Variants in EGR3 observed in about 807,000 individuals in gnomAD.
The protein encoded by EGR3 is early growth response protein 3.
Under a neutral mutation model 22.4 loss-of-function variants are expected in EGR3, and 4 were observed. The observed-to-expected ratio is 0.18, with a 90% CI of 0.09 to 0.41. The LOEUF is 0.41. Among genes scored for constraint, EGR3 ranks in the 10% least tolerant of loss-of-function variants. EGR3 has a pLI of 1.00. For synonymous variants in EGR3, 219 were observed against 226.8 expected, an observed-to-expected ratio of 0.97 and a Z score of 0.31; for missense variants, 315 against 541.3, an observed-to-expected ratio of 0.58 and a Z score of 4.15.
At position 22,693,212 on chromosome 8, in the gene EGR3, G is replaced by A. The variant is rs1223395539; in HGVS notation, c.-268C>T. 1.3e-5 allele frequency: 2 copies of A among 148,686 alleles called. No individual in the cohort carries two copies. The highest frequency in any genetic ancestry group is 2.7e-5 in the African/African-American group (1 of 36,814). 9.2% of individuals were successfully genotyped at this position (148,686 alleles called of 1,614,324 possible). ...GGTGCGGTATGAGGCTGGGTCGTGG[G>A]GGGGGTGGGGCGTGTGCGGGGGGTG... On this transcript the variant is annotated 5_prime_UTR_variant, in exon 1 of 2. Coordinates refer to ENST00000317216, the MANE Select transcript of EGR3 (RefSeq NM_004430.3).
chr8:22,690,340 A>G lies in EGR3; in HGVS notation c.*133T>C. 1 of 742,868 alleles carries G rather than the reference A, an allele frequency of 1.3e-6. No homozygotes were observed. Among genetic ancestry groups the G allele is most frequent in the East Asian group, 2.7e-5 (1 of 36,560 alleles). 46.0% of individuals were successfully genotyped at this position (742,868 alleles called of 1,614,324 possible). A position where few individuals can be genotyped will look rare whatever the true frequency, so the allele number is the denominator to read the frequency against. ...TTGGGAACCGGGGGCATCGAAGGGG[A>G]AGCAAGGGGCCGCACGTCCATGGAG... On this transcript the variant is annotated 3_prime_UTR_variant, in exon 2 of 2. Coordinates refer to ENST00000317216, the MANE Select transcript of EGR3 (RefSeq NM_004430.3).
In EGR3 at chr8:22,691,435, G is replaced by C. The variant is rs1085307474; in HGVS notation, c.202C>G (p.Leu68Val). ...GGCTGGAAGGAGCCGGAGTAAGAGA[G>C]TTCCGGGTTGGGCTTCTCGTTGGTC... ...GLTNEKPNPE[L>V]SYSGSFQPAP... Residue 68 changes from leucine (L) to valine (V), a missense_variant, in exon 2 of 2, where the codon CTC (leucine) becomes GTC (valine). Leu to Val is a conservative substitution (Grantham distance 32, BLOSUM62 1). Around this residue, in one of 4 missense-constraint regions of EGR3, gnomAD observed 227 missense variants for 303.6 expected, o/e 0.75. Coordinates refer to ENST00000317216, the MANE Select transcript of EGR3 (RefSeq NM_004430.3). The C allele has an allele frequency of 6.2e-7, 1 of 1,614,186 alleles. No homozygotes were observed. The highest frequency in any genetic ancestry group is 1.7e-5 in the Admixed American group (1 of 60,030).
In EGR3 at chr8:22,688,884, G is replaced by C. The variant is rs1803850469; in HGVS notation, c.*1589C>G. On this transcript the variant is annotated 3_prime_UTR_variant, in exon 2 of 2. Transcript: ENST00000317216. ...GCCTGAGAAGAGGTGAGGTAGGGTGGGGAGAAGGTGAGACTGGGTATGGAA... is the reference window on the plus strand; with the variant it reads ...GCCTGAGAAGAGGTGAGGTAGGGTGCGGAGAAGGTGAGACTGGGTATGGAA... The C allele has an allele frequency of 6.5e-6, 1 of 152,678 alleles. No homozygotes were observed. Among genetic ancestry groups the C allele is most frequent in the Admixed American group, 6.5e-5 (1 of 15,286 alleles). The allele number at this position is 152,678 out of a possible 1,614,324, so 9.5% of individuals were successfully genotyped here.
rs1804008151 is a variant in EGR3 at position 22,692,583 on chromosome 8, G to A, written c.154+208C>T. On this transcript the variant is annotated intron_variant, in intron 1 of 1. Coordinates refer to ENST00000317216, the MANE Select transcript of EGR3 (RefSeq NM_004430.3). This position sits in a 1 kb window ranked among gnomAD's most constrained non-coding sequence, Gnocchi z 6.2. ...CCAACCTAGCCTTCTCGATCGAGGA[G>A]GGCGGGAGGAGTGGGTGGGAAAAGC... The A allele has an allele frequency of 6.9e-7, 1 of 1,440,302 alleles. No homozygotes were observed. Among genetic ancestry groups the A allele is most frequent in the South Asian group, 1.4e-5 (1 of 70,220 alleles). 89.2% of individuals were successfully genotyped at this position (1,440,302 alleles called of 1,614,324 possible).
rs745494590 is a variant in EGR3, at chr8:22,690,920, G to T, written c.717C>A (p.Ile239=). The T allele has an allele frequency of 6.4e-7, 1 of 1,570,554 alleles. No individual in the cohort carries two copies. The highest frequency in any genetic ancestry group is 1.2e-5 in the South Asian group (1 of 83,530). Residue 239 remains isoleucine, a synonymous_variant, in exon 2 of 2, where the codon ATC becomes ATA. Transcript: ENST00000317216. ...GGGGCAGGCTGCCAAAGCCCGGGTG[G>T]ATCTGCTTGTCTTTGAATGCCTTGA... ...ETIKAFKDKQ[I]HPGFGSLPQP... is the part of the protein sequence containing the mutation.
Position 22,692,189 on chromosome 8 carries a change from G to T in EGR3, c.154+602C>A. On this transcript the variant is annotated intron_variant, in intron 1 of 1. Transcript: ENST00000317216. The surrounding 1 kb of genome is among the most constrained non-coding windows in gnomAD (Gnocchi z 6.2). ...GCCCTTCCCCAGCTCCCCGGCCCCG[G>T]GATCGTTCCCCGTGGCAGGCCCTCG... is the stretch of plus-strand genomic sequence containing the variant. 2 of 1,394,386 alleles carry T rather than the reference G, an allele frequency of 1.4e-6. No individual in the cohort carries two copies. Among genetic ancestry groups the T allele is most frequent in the Non-Finnish European group, 1.9e-6 (2 of 1,079,194 alleles). 86.4% of individuals were successfully genotyped at this position (1,394,386 alleles called of 1,614,324 possible). A position where few individuals can be genotyped will look rare whatever the true frequency, so the allele number is the denominator to read the frequency against.
chr8:22,692,549 G>T lies in EGR3; in HGVS notation c.154+242C>A. On this transcript the variant is annotated intron_variant, in intron 1 of 1. Transcript: ENST00000317216. The surrounding 1 kb of genome is among the most constrained non-coding windows in gnomAD (Gnocchi z 6.2). ...ACCCGGGAGAACCGAAGCCTCTACC[G>T]TGGCGTCGCCAACCTAGCCTTCTCG... 7.0e-7 allele frequency: 1 copy of T among 1,428,896 alleles called. No individual in the cohort carries two copies. The highest frequency in any genetic ancestry group is 9.1e-7 in the Non-Finnish European group (1 of 1,095,380). 88.5% of individuals were successfully genotyped at this position (1,428,896 alleles called of 1,614,324 possible).
Position 22,690,674 on chromosome 8 carries a change from G to A in EGR3, c.963C>T (p.Thr321=). The part of the protein sequence containing the change: ...MRSFSRSDHL[T]THIRTHTGEK... ...CGCCCGTATGAGTGCGGATGTGAGTGGTGAGGTGGTCGCTGCGGCTGAAGC... is the reference window on the plus strand; with the variant it reads ...CGCCCGTATGAGTGCGGATGTGAGTAGTGAGGTGGTCGCTGCGGCTGAAGC... Residue 321 remains threonine, a synonymous_variant, in exon 2 of 2, where the codon ACC becomes ACT. Coordinates refer to ENST00000317216, the MANE Select transcript of EGR3 (RefSeq NM_004430.3). The A allele has an allele frequency of 6.2e-7, 1 of 1,614,074 alleles. No individual in the cohort carries two copies. Among genetic ancestry groups the A allele is most frequent in the Non-Finnish European group, 8.5e-7 (1 of 1,179,916 alleles).
chr8:22,692,367 G>C lies in EGR3; in HGVS notation c.154+424C>G, dbSNP rs1804001221. 1.4e-6 allele frequency: 2 copies of C among 1,476,860 alleles called. No individual in the cohort carries two copies. Among genetic ancestry groups the C allele is most frequent in the South Asian group, 2.6e-5 (2 of 76,902 alleles). The allele number at this position is 1,476,860 out of a possible 1,614,324, so 91.5% of individuals were successfully genotyped here. A position where few individuals can be genotyped will look rare whatever the true frequency, so the allele number is the denominator to read the frequency against. ...CCCGGGTGGGAGGCTGAGGGAGTAA[G>C]GGGGGAGAGCGCGGGTGAAAAAGAC... On this transcript the variant is annotated intron_variant, in intron 1 of 1. Coordinates refer to ENST00000317216, the MANE Select transcript of EGR3 (RefSeq NM_004430.3). This position sits in a 1 kb window ranked among gnomAD's most constrained non-coding sequence, Gnocchi z 6.2.
At chr8:22,691,786 C>T (rs567549295) in intron 1 of EGR3, 3 of 985,444 alleles carry the variant, frequency 3.0e-6, no homozygotes, top group East Asian at 1.1e-4. Flanking sequence ...GTTGTTCTTC[C>T]CGAGGTGGGG....
chr8:22,692,505 C>CTTATACACAT lies in EGR3; in HGVS notation c.154+285_154+286insATGTGTATAA. ...CAGAGCCGCTCGCACCTACCTCCCT[C>CTTATACACAT]CGGTCGGCGGCTGCCCCCACCCGGG... On this transcript the variant is annotated intron_variant, in intron 1 of 1. Transcript: ENST00000317216. This position sits in a 1 kb window ranked among gnomAD's most constrained non-coding sequence, Gnocchi z 6.2. 7.0e-7 allele frequency: 1 copy of CTTATACACAT among 1,421,418 alleles called. No homozygotes were observed. The highest frequency in any genetic ancestry group is 2.6e-5 in the East Asian group (1 of 39,076). 88.1% of individuals were successfully genotyped at this position (1,421,418 alleles called of 1,614,324 possible).
At position 22,692,186 on chromosome 8, in the gene EGR3, C is replaced by T. The variant is rs980945896; in HGVS notation, c.154+605G>A. On this transcript the variant is annotated intron_variant, in intron 1 of 1. Transcript: ENST00000317216. This position sits in a 1 kb window ranked among gnomAD's most constrained non-coding sequence, Gnocchi z 6.2. Reference sequence around the variant, plus strand: ...GCCGCCCTTCCCCAGCTCCCCGGCCCCGGGATCGTTCCCCGTGGCAGGCCC... The same window carrying T: ...GCCGCCCTTCCCCAGCTCCCCGGCCTCGGGATCGTTCCCCGTGGCAGGCCC... 4 of 1,392,074 alleles carry T rather than the reference C, an allele frequency of 2.9e-6. No individual in the cohort carries two copies. Among genetic ancestry groups the T allele is most frequent in the Admixed American group, 6.6e-5 (2 of 30,214 alleles). 86.2% of individuals were successfully genotyped at this position (1,392,074 alleles called of 1,614,324 possible).
chr8:22,690,608 C>G lies in EGR3; in HGVS notation c.1029G>C (p.Ala343=), dbSNP rs750467634. The change falls in exon 2 of 2, where the codon GCG becomes GCC. Residue 343 remains alanine (A), a synonymous_variant. Coordinates refer to ENST00000317216, the MANE Select transcript of EGR3 (RefSeq NM_004430.3). The part of the protein sequence containing the change: ...FACEFCGRKF[A]RSDERKRHAK... ...CGTGGCGCTTGCGCTCGTCGCTGCG[C>G]GCAAACTTGCGCCCGCAGAACTCGC... 5.0e-6 allele frequency: 8 copies of G among 1,613,762 alleles called. No individual in the cohort carries two copies. In the African/African-American group the frequency reaches 6.7e-5, roughly 13 times the overall value.
intron 1 of EGR3, chr8:22,691,985 T>G: frequency 7.9e-7 from 1 of 1,272,406 alleles, no homozygotes. Flanking sequence ...CGACGCTTTG[T>G]CCTCGGAGCG....
intron 1 of EGR3, 196 bp from the exon 2 acceptor site, chr8:22,691,678 T>C (rs1441367236): frequency 2.4e-5 from 24 of 981,488 alleles, no homozygotes; most frequent in Non-Finnish European, 2.8e-5. Flanking sequence ...AGCAAAATAC[T>C]ACGGATCGGG....
In EGR3 at chr8:22,692,090, G is replaced by GA. The variant is rs1415632581; in HGVS notation, c.155-609dup. ...GGAGCTTTAGGCTCTTGCTGGAGGG[G>GA]AAAATCCTAGCCCCAGCTAGGGAGG... On this transcript the variant is annotated intron_variant, in intron 1 of 1. Transcript: ENST00000317216. This position sits in a 1 kb window ranked among gnomAD's most constrained non-coding sequence, Gnocchi z 6.2. The GA allele has an allele frequency of 2.2e-6, 3 of 1,350,076 alleles. No individual in the cohort carries two copies. Among genetic ancestry groups the GA allele is most frequent in the Non-Finnish European group, 2.8e-6 (3 of 1,054,786 alleles). The allele number at this position is 1,350,076 out of a possible 1,614,324, so 83.6% of individuals were successfully genotyped here.
At position 22,692,617 on chromosome 8, in the gene EGR3, C is replaced by A. The variant is rs1313561243; in HGVS notation, c.154+174G>T. 1.4e-6 allele frequency: 2 copies of A among 1,441,374 alleles called. No individual in the cohort carries two copies. The highest frequency in any genetic ancestry group is 1.8e-6 in the Non-Finnish European group (2 of 1,097,440). The allele number at this position is 1,441,374 out of a possible 1,614,324, so 89.3% of individuals were successfully genotyped here. A position where few individuals can be genotyped will look rare whatever the true frequency, so the allele number is the denominator to read the frequency against. ...GAGTGGGTGGGAAAAGCAACTCGCC[C>A]CCCGCAAAATTCCCAGCGCGCCCCC... On this transcript the variant is annotated intron_variant, in intron 1 of 1. Coordinates refer to ENST00000317216, the MANE Select transcript of EGR3 (RefSeq NM_004430.3). The surrounding 1 kb of genome is among the most constrained non-coding windows in gnomAD (Gnocchi z 6.2).
At chr8:22,691,743 C>T in intron 1 of EGR3, 1 of 985,050 alleles carries the variant, frequency 1.0e-6, no homozygotes, top group African/African-American at 1.7e-5. Context: ...ACTCACGTAC[C>T]ACACACACAC....
rs777341372 is a variant in EGR3 at position 22,691,440 on chromosome 8, G to T, written c.197C>A (p.Pro66Gln). 10 of 1,614,176 alleles carry T rather than the reference G, an allele frequency of 6.2e-6. No homozygotes were observed. The highest frequency in any genetic ancestry group is 8.5e-6 in the Non-Finnish European group (10 of 1,180,038). The change falls in exon 2 of 2, where the codon CCG becomes CAG. Residue 66 changes from proline to glutamine, a missense_variant. Around this residue, in one of 4 missense-constraint regions of EGR3, gnomAD observed 227 missense variants for 303.6 expected, o/e 0.75. Coordinates refer to ENST00000317216, the MANE Select transcript of EGR3 (RefSeq NM_004430.3). ...DIGLTNEKPN[P>Q]ELSYSGSFQP... is the part of the protein sequence containing the mutation. Reference sequence around the variant, plus strand: ...GAAGGAGCCGGAGTAAGAGAGTTCCGGGTTGGGCTTCTCGTTGGTCAGACC... The same window carrying T: ...GAAGGAGCCGGAGTAAGAGAGTTCCTGGTTGGGCTTCTCGTTGGTCAGACC...
Sources: allele counts gnomAD v4.1 joint callset, GRCh38; gene constraint gnomAD v4.1.1; regional missense constraint gnomAD v4.1.1; non-coding constraint Gnocchi (gnomAD v3.1); transcripts MANE v1.5; gene names NCBI Gene and HGNC (gene_info 2026-07-23, HGNC 2026-07-21).